The following PDE4B variants were observed in gnomAD, a reference collection of about 807,000 sequenced individuals.
PDE4B encodes the protein 3',5'-cyclic-AMP phosphodiesterase 4B.
PDE4B carries 20 observed loss-of-function variants against 82.2 expected under a neutral mutation model. The ratio of observed to expected loss-of-function variants is 0.24; its 90% CI spans 0.17 to 0.35. PDE4B has a LOEUF of 0.35. Among genes scored for constraint, PDE4B ranks in the 10% least tolerant of loss-of-function variants. The pLI is 1.00. For missense variants in PDE4B, 655 were observed against 907.2 expected (o/e 0.72, Z 3.57); for synonymous variants, 320 against 318.9 (o/e 1.00, Z -0.04).
chr1:65,799,407 T>G (rs1017824126), intron 1 of PDE4B, among the ~76,000 whole-genome samples: 4 of 152,206 alleles, frequency 2.6e-5, no homozygotes, highest in Non-Finnish European at 5.9e-5. Context: ...CAAGAAAAAC[T>G]ACTTCAATAA....
intron 3 of PDE4B, among the ~76,000 whole-genome samples, chr1:66,142,420 G>A (rs183028519): frequency 3.3e-5 from 5 of 152,212 alleles, no homozygotes; most frequent in Admixed American, 3.3e-4. Flanking sequence ...CAAGAATTCA[G>A]TATGCAAATA....
At chr1:66,327,590 C>G (rs533340599) in intron 7 of PDE4B, among the ~76,000 whole-genome samples, 1 of 152,286 alleles carries the variant, frequency 6.6e-6, no homozygotes, top group Admixed American at 6.5e-5. Flanking sequence ...TTCTCTGATT[C>G]TACCTTTCCC....
intron 7 of PDE4B, among the ~76,000 whole-genome samples, chr1:66,285,269 C>T (rs1021181778): frequency 2.0e-5 from 3 of 152,062 alleles, no homozygotes; most frequent in East Asian, 1.9e-4. Context: ...AAATTGAAGA[C>T]GTATAGTCTT....
chr1:65,923,451 C>T (rs182762744), intron 3 of PDE4B, among the ~76,000 whole-genome samples: 1 of 152,300 alleles, frequency 6.6e-6, no homozygotes. Flanking sequence ...TTATTTCTCT[C>T]TCTCTGTATA....
At chr1:66,312,842 A>G (rs1658764194) in intron 7 of PDE4B, among the ~76,000 whole-genome samples, 1 of 152,230 alleles carries the variant, frequency 6.6e-6, no homozygotes, top group Non-Finnish European at 1.5e-5. Flanking sequence ...ATTGTTTGCA[A>G]CAGAGACCAT....
chr1:66,366,406 T>C (rs12031485), intron 13 of PDE4B, among the ~76,000 whole-genome samples: 1 of 152,318 alleles, frequency 6.6e-6, no homozygotes, highest in East Asian at 1.9e-4. Context: ...TTAGTTTTCA[T>C]ACCTTTGAAA....
At chr1:66,010,279 AT>A (rs1202180897) in intron 3 of PDE4B, among the ~76,000 whole-genome samples, 1 of 151,822 alleles carries the variant, frequency 6.6e-6, no homozygotes, top group Non-Finnish European at 1.5e-5. Flanking sequence ...TTTCAAAGTA[AT>A]TTTATCTGGA....
chr1:65,902,166 G>C (rs2100424381), intron 1 of PDE4B, among the ~76,000 whole-genome samples: 1 of 152,102 alleles, frequency 6.6e-6, no homozygotes, highest in East Asian at 1.9e-4. Flanking sequence ...GTATGATCTT[G>C]ATTTTCTTGA....
At chr1:66,048,457 A>G (rs1323962739) in intron 3 of PDE4B, among the ~76,000 whole-genome samples, 1 of 152,004 alleles carries the variant, frequency 6.6e-6, no homozygotes, top group Non-Finnish European at 1.5e-5. Flanking sequence ...ATTTGGGAGA[A>G]TAGAGCAATG....
intron 1 of PDE4B, among the ~76,000 whole-genome samples, chr1:65,859,462 C>A (rs1230251696): frequency 6.6e-6 from 1 of 152,066 alleles, no homozygotes; most frequent in Non-Finnish European, 1.5e-5. Context: ...TAGGTAGATA[C>A]CATCTTTGTA....
chr1:65,921,259 C>T (rs371688379), intron 3 of PDE4B, among the ~76,000 whole-genome samples: 18 of 152,172 alleles, frequency 1.2e-4, no homozygotes, highest in South Asian at 1.0e-3. Flanking sequence ...TGAGCCACCG[C>T]GCCCGGCCCT....
At chr1:65,994,428 T>C (rs1651420929) in intron 3 of PDE4B, among the ~76,000 whole-genome samples, 1 of 152,272 alleles carries the variant, frequency 6.6e-6, no homozygotes, top group East Asian at 1.9e-4. Flanking sequence ...CTTGATGTAT[T>C]ACATCATGTT....
intron 3 of PDE4B, among the ~76,000 whole-genome samples, chr1:66,051,754 A>G (rs1655040773): frequency 6.6e-6 from 1 of 152,222 alleles, no homozygotes; most frequent in Admixed American, 6.5e-5. Flanking sequence ...TATCAAGAAT[A>G]GAAGATATAA....
At chr1:66,022,510 G>A (rs1653187687) in intron 3 of PDE4B, among the ~76,000 whole-genome samples, 2 of 152,238 alleles carry the variant, frequency 1.3e-5, no homozygotes, top group Non-Finnish European at 2.9e-5. Flanking sequence ...GGAGTTTTTA[G>A]CTTGTAGGGC....
rs576254397 is a variant in PDE4B, at chr1:65,805,053, CT to C, written c.-71+11806del. 2.6e-5 allele frequency among the ~76,000 whole-genome samples: 4 copies of C among 151,932 alleles called. No individual in the cohort carries two copies. In the South Asian group the frequency reaches 8.4e-4, roughly 32 times the overall value. On this transcript the variant is annotated intron_variant, in intron 1 of 16. Coordinates refer to ENST00000341517, the MANE Select transcript of PDE4B (RefSeq NM_002600.4). ...GATCTCGGCTCACTGCAACCTCTGCCTCCAGGGTTCAAGTGATTCTCCAGCC... is the reference window on the plus strand; with the variant it reads ...GATCTCGGCTCACTGCAACCTCTGCCCCAGGGTTCAAGTGATTCTCCAGCC...
chr1:65,805,027 C>T (rs1442746683), intron 1 of PDE4B, among the ~76,000 whole-genome samples: 7 of 151,614 alleles, frequency 4.6e-5, no homozygotes, highest in Admixed American at 3.9e-4. Flanking sequence ...TGCAGTGGTA[C>T]GATCTCGGCT....
chr1:65,968,792 G>C (rs995497181), intron 3 of PDE4B, among the ~76,000 whole-genome samples: 5 of 152,088 alleles, frequency 3.3e-5, no homozygotes, highest in Non-Finnish European at 7.4e-5. Flanking sequence ...TATTTTTAGA[G>C]TACCAGAGTA....
chr1:65,909,246 T>C lies in PDE4B; in HGVS notation c.-70-3999T>C, dbSNP rs1384373219. Among the ~76,000 whole-genome samples, 3 of 152,200 alleles carry C rather than the reference T, an allele frequency of 2.0e-5. No individual in the cohort carries two copies. The East Asian group carries it at 5.8e-4, about 29-fold the overall frequency. On this transcript the variant is annotated intron_variant, in intron 1 of 16. Coordinates refer to ENST00000341517, the MANE Select transcript of PDE4B (RefSeq NM_002600.4). ...ATCATCTGCAAAATAAAAGATATTT[T>C]TTAAATTGGAAAAAAAGTAGTATTT...
chr1:66,287,974 TA>T (rs146052848), intron 7 of PDE4B, among the ~76,000 whole-genome samples: 1 of 151,784 alleles, frequency 6.6e-6, no homozygotes, highest in African/African-American at 2.4e-5. Context: ...ACCCTGTCTC[TA>T]AAAAAACAAA....
Sources: gnomAD v4.1 joint callset for allele counts (sites outside exome capture counted in the v4.1 genomes callset) on GRCh38, gnomAD v4.1.1 for gene constraint, MANE v1.5 for transcripts, NCBI Gene and HGNC (gene_info 2026-07-23, HGNC 2026-07-21) for gene names.